ESRRB: variants seen among roughly 807,000 people sequenced by gnomAD.
The protein encoded by ESRRB is estrogen related receptor beta.
A neutral mutation model predicts 46.0 loss-of-function variants in ESRRB; 16 were observed. The ratio of observed to expected loss-of-function variants is 0.35; its 90% CI spans 0.24 to 0.53. The LOEUF is 0.53. Ranked by LOEUF, ESRRB falls within the 20% of genes least tolerant of loss-of-function variation. The probability of loss-of-function intolerance (pLI) is 0.93; values close to 1 mark genes in which losing one functional copy is unlikely to be tolerated. For synonymous variants in ESRRB, 246 were observed against 259.6 expected (o/e 0.95, Z 0.50); for missense variants, 488 against 607.4 (o/e 0.80, Z 2.07).
intron 1 of ESRRB, among the ~76,000 whole-genome samples, chr14:76,409,562 C>T (rs1750452398): frequency 7.5e-6 from 1 of 132,548 alleles, no homozygotes; most frequent in African/African-American, 2.9e-5. Context: ...TGTATATCTG[C>T]AGAGGGCCCT....
intron 1 of ESRRB, among the ~76,000 whole-genome samples, chr14:76,330,632 C>T (rs777635915): frequency 1.3e-5 from 2 of 152,146 alleles, no homozygotes; most frequent in South Asian, 2.1e-4. Flanking sequence ...GATCGAGGAT[C>T]GTGGTGGCTG....
At chr14:76,497,173 C>T (rs991137464) in intron 6 of ESRRB, among the ~76,000 whole-genome samples, 1 of 152,008 alleles carries the variant, frequency 6.6e-6, no homozygotes, top group Non-Finnish European at 1.5e-5. Context: ...GGATTAGGGC[C>T]TTGCTTCATC....
intron 1 of ESRRB, among the ~76,000 whole-genome samples, chr14:76,379,615 G>A (rs895918222): frequency 6.6e-5 from 10 of 152,140 alleles, no homozygotes; most frequent in African/African-American, 2.4e-4. Flanking sequence ...GGAGGTGTGC[G>A]CTGCCATGGA....
rs111382036 is a variant in ESRRB at position 76,467,991 on chromosome 14, C to T, written c.577+5330C>T. Among the ~76,000 whole-genome samples, 329 of 152,226 alleles carry T rather than the reference C, an allele frequency of 2.2e-3. 2 individuals carry two copies. The highest frequency in any genetic ancestry group is 9.3e-3 in the South Asian group (45 of 4,822). On this transcript the variant is annotated intron_variant, in intron 3 of 6. Transcript: ENST00000644823. Reference sequence around the variant, plus strand: ...TATTTGATTTCAGTGAAAGCTGGGCCGACATCCATGCAATATGCTCTCACT... The same window carrying T: ...TATTTGATTTCAGTGAAAGCTGGGCTGACATCCATGCAATATGCTCTCACT...
At chr14:76,455,222 A>AT (rs1426908154) in intron 2 of ESRRB, among the ~76,000 whole-genome samples, 10 of 152,184 alleles carry the variant, frequency 6.6e-5, no homozygotes, top group East Asian at 3.9e-4. Flanking sequence ...GTCTCAAAAA[A>AT]AATATATATA....
intron 3 of ESRRB, among the ~76,000 whole-genome samples, chr14:76,477,567 GA>G (rs752861475): frequency 9.1e-4 from 139 of 152,274 alleles, no homozygotes; most frequent in Non-Finnish European, 1.8e-3. Flanking sequence ...CAAATAACCT[GA>G]AATAACCCGT....
chr14:76,432,558 G>C (rs73318352), intron 1 of ESRRB, among the ~76,000 whole-genome samples: 10,764 of 151,812 alleles, frequency 0.071, 962 homozygotes, highest in African/African-American at 0.21. Flanking sequence ...GTGTGGGTGG[G>C]TTTGGGGGGT....
intron 1 of ESRRB, among the ~76,000 whole-genome samples, chr14:76,335,406 CAG>C (rs1330375678): frequency 6.6e-6 from 1 of 152,152 alleles, no homozygotes; most frequent in Non-Finnish European, 1.5e-5. Flanking sequence ...AGTGGTGTAT[CAG>C]GGGTCACAGA....
At chr14:76,371,988 AG>A (rs1315313017), upstream of ESRRB, among the ~76,000 whole-genome samples, 8 of 152,172 alleles carry the variant, frequency 5.3e-5, no homozygotes, top group Non-Finnish European at 1.2e-4. Flanking sequence ...GGCTGCCTCA[AG>A]AGAGGGAAGA....
At chr14:76,379,708 C>A (rs116392105) in intron 1 of ESRRB, among the ~76,000 whole-genome samples, 1 of 152,168 alleles carries the variant, frequency 6.6e-6, no homozygotes, top group Non-Finnish European at 1.5e-5. Flanking sequence ...CGCTGGAGGG[C>A]CCCGGTCCCG....
intron 1 of ESRRB, among the ~76,000 whole-genome samples, chr14:76,350,785 C>A (rs1884304358): frequency 6.6e-6 from 1 of 152,138 alleles, no homozygotes; most frequent in Non-Finnish European, 1.5e-5. Context: ...CCACCATGGA[C>A]CACCTGGACA....
chr14:76,391,561 G>A (rs890128323), intron 1 of ESRRB, among the ~76,000 whole-genome samples: 4 of 152,254 alleles, frequency 2.6e-5, no homozygotes, highest in South Asian at 2.1e-4. Flanking sequence ...CGGCCTTGCC[G>A]AGGAGAAGGC....
At chr14:76,447,086 G>A (rs188625461) in intron 2 of ESRRB, among the ~76,000 whole-genome samples, 78 of 152,106 alleles carry the variant, frequency 5.1e-4, no homozygotes, top group African/African-American at 1.5e-3. Context: ...CACTGATTCC[G>A]CAGCTATTTC....
At chr14:76,396,260 T>C (rs140195308) in intron 1 of ESRRB, among the ~76,000 whole-genome samples, 124 of 152,262 alleles carry the variant, frequency 8.1e-4, no homozygotes, top group African/African-American at 2.8e-3. Context: ...ACAGGCAACA[T>C]AGAGTTGAGT....
intron 3 of ESRRB, among the ~76,000 whole-genome samples, chr14:76,468,533 C>T (rs777357358): frequency 1.3e-5 from 2 of 151,834 alleles, no homozygotes; most frequent in Non-Finnish European, 2.9e-5. Flanking sequence ...TGAATGAAGA[C>T]GAAGGAGATG....
At chr14:76,462,704 T>C in intron 3 of ESRRB, 43 bp downstream of exon 3, 1 of 1,472,080 alleles carries the variant, frequency 6.8e-7, no homozygotes, top group Non-Finnish European at 9.5e-7. Context: ...GAGGCTCTGC[T>C]TGCTGGGGAG....
intron 1 of ESRRB, among the ~76,000 whole-genome samples, chr14:76,317,945 T>A (rs1333843650): frequency 1.3e-5 from 2 of 152,198 alleles, no homozygotes; most frequent in Non-Finnish European, 2.9e-5. Context: ...AGATGTGGCT[T>A]TTCTTGTGCT....
intron 1 of ESRRB, among the ~76,000 whole-genome samples, chr14:76,311,974 GAAAAAAAAA>G (rs11384140): frequency 1.2e-5 from 1 of 81,628 alleles, no homozygotes; most frequent in Admixed American, 1.4e-4. Context: ...CCTACATTTT[GAAAAAAAAA>G]AAAAAAAAAG....
chr14:76,430,987 T>C (rs1293107124), intron 1 of ESRRB, among the ~76,000 whole-genome samples: 1 of 152,172 alleles, frequency 6.6e-6, no homozygotes, highest in Non-Finnish European at 1.5e-5. Flanking sequence ...GAAAGATCCT[T>C]GAGATTCCAG....
Sources: gnomAD v4.1 joint callset for allele counts (sites outside exome capture counted in the v4.1 genomes callset) on GRCh38, gnomAD v4.1.1 for gene constraint, MANE v1.5 for transcripts, NCBI Gene and HGNC (gene_info 2026-07-23, HGNC 2026-07-21) for gene names.